NAGPA: variants seen among roughly 807,000 people sequenced by gnomAD.
NAGPA encodes the protein alpha-N-acetylglucosaminyl phosphodiesterase.
In NAGPA, 56 loss-of-function variants were observed where a neutral mutation model predicts 48.5. That is an observed-to-expected ratio of 1.15 (90% CI 0.93 to 1.44). The LOEUF is 1.44. NAGPA is among the 40% of genes most tolerant of loss of function. The pLI is 0.00. For missense variants in NAGPA, 888 were observed against 735.0 expected, an observed-to-expected ratio of 1.21 and a Z score of -2.41; for synonymous variants, 399 against 315.5, an observed-to-expected ratio of 1.26 and a Z score of -2.81.
In NAGPA at chr16:5,028,126, G is replaced by A. The variant is rs1413793446; in HGVS notation, c.980C>T (p.Pro327Leu). ...GTGGCAGTCAGGCGGCTGGCAGCGG[G>A]GTTCGTGCACACACACCACGGTGGA... ...QVSTVVCVHE[P>L]RCQPPDCHGH... Residue 327 changes from proline to leucine, a missense_variant, in exon 6 of 10, where the codon CCC becomes CTC. Coordinates refer to ENST00000312251, the MANE Select transcript of NAGPA (RefSeq NM_016256.4). The A allele has an allele frequency of 3.7e-6, 6 of 1,602,376 alleles. No individual in the cohort carries two copies. The highest frequency in any genetic ancestry group is 4.3e-6 in the Non-Finnish European group (5 of 1,174,632).
rs776758131 is a variant in NAGPA, at chr16:5,033,197, TG to T, written c.542+75del. 4 of 1,506,832 alleles carry T rather than the reference TG, an allele frequency of 2.7e-6. No individual in the cohort carries two copies. The highest frequency in any genetic ancestry group is 3.6e-6 in the Non-Finnish European group (4 of 1,120,998). The allele number at this position is 1,506,832 out of a possible 1,614,324, so 93.3% of individuals were successfully genotyped here. On this transcript the variant is annotated intron_variant, in intron 2 of 9. Transcript: ENST00000312251. The surrounding 1 kb of genome is among the most constrained non-coding windows in gnomAD (Gnocchi z 4.2). Reference sequence around the variant, plus strand: ...AGGGGCTCAGCTTGGTTAAGTGACTTGAACACGGAGGCACGGCTACAACCCA... The same window carrying T: ...AGGGGCTCAGCTTGGTTAAGTGACTTAACACGGAGGCACGGCTACAACCCA...
chr16:5,028,244 C>T (rs780846402), intron 5 of NAGPA, 59 bp from the exon 6 acceptor site: 21 of 1,548,318 alleles, frequency 1.4e-5, no homozygotes, highest in Non-Finnish European at 1.7e-5. Flanking sequence ...TCAACTCCCT[C>T]CAGGCTGCCC....
chr16:5,033,514 G>A lies in NAGPA; in HGVS notation c.301C>T (p.Leu101=), dbSNP rs1048874153. 3.3e-6 allele frequency: 5 copies of A among 1,527,524 alleles called. No homozygotes were observed. The highest frequency in any genetic ancestry group is 4.4e-6 in the Non-Finnish European group (5 of 1,146,756). The allele number at this position is 1,527,524 out of a possible 1,614,324, so 94.6% of individuals were successfully genotyped here. The part of the protein sequence containing the change: ...AGHLTRAVEP[L]RTFSVLEPGG... The stretch of plus-strand genomic sequence containing the variant: ...GGCTCCAGCACCGAGAAGGTGCGCA[G>A]GGGCTCAACGGCCCGCGTCAGGTGG... The change falls in exon 2 of 10, where the codon CTG becomes TTG. Residue 101 remains leucine, a synonymous_variant. Transcript: ENST00000312251. The surrounding 1 kb of genome is among the most constrained non-coding windows in gnomAD (Gnocchi z 4.2).
chr16:5,027,522 C>G, intron 7 of NAGPA, 143 bp from the exon 8 acceptor site: 1 of 870,852 alleles, frequency 1.1e-6, no homozygotes. Context: ...CCTGCCCTCC[C>G]TGGACTAGCC....
At chr16:5,027,451 G>A (rs12927924) in intron 7 of NAGPA, 72 bp from the exon 8 acceptor site, 189,077 of 1,476,728 alleles carry the variant, frequency 0.13, 13,117 homozygotes, top group Non-Finnish European at 0.14. Flanking sequence ...AGCCTTTCTC[G>A]ACAGGACAGG....
chr16:5,030,268 C>A (rs887416429), intron 4 of NAGPA, 117 bp downstream of exon 4: 7 of 923,222 alleles, frequency 7.6e-6, no homozygotes, highest in African/African-American at 4.9e-5. Context: ...GGAGGGGGGA[C>A]AGATAGGTGT....
At position 5,033,721 on chromosome 16, in the gene NAGPA, G is replaced by A. The variant is rs1956150167; in HGVS notation, c.94C>T (p.Arg32Cys). ...ASGGLDSGAS[R>C]DDDLLLPYPR... ...TAGGGCAGTAGCAAGTCGTCGTCGC[G>A]GGAGGCCCTGCGGGGACGGGCGGCC... Residue 32 changes from arginine (R) to cysteine (C), a missense_variant, in exon 2 of 10, where the codon CGC becomes TGC. Coordinates refer to ENST00000312251, the MANE Select transcript of NAGPA (RefSeq NM_016256.4). The surrounding 1 kb of genome is among the most constrained non-coding windows in gnomAD (Gnocchi z 4.2). 1 of 1,603,688 alleles carries A rather than the reference G, an allele frequency of 6.2e-7. No individual in the cohort carries two copies. Among genetic ancestry groups the A allele is most frequent in the Non-Finnish European group, 8.5e-7 (1 of 1,177,368 alleles).
intron 4 of NAGPA, 126 bp from the exon 5 acceptor site, chr16:5,029,134 C>A (rs1214304925): frequency 1.3e-6 from 2 of 1,492,824 alleles, no homozygotes; most frequent in Non-Finnish European, 1.8e-6. Flanking sequence ...GCCCCCGCCC[C>A]CAAGCATGTC....
intron 4 of NAGPA, chr16:5,029,909 G>A: frequency 4.1e-6 from 1 of 241,552 alleles, no homozygotes; most frequent in Middle Eastern, 1.6e-3. Context: ...GGGCGACGGA[G>A]TAAGACCCTG....
Position 5,033,329 on chromosome 16 carries a change from G to C in NAGPA, c.486C>G (p.Ser162=). 6.3e-7 allele frequency: 1 copy of C among 1,597,584 alleles called. No homozygotes were observed. The highest frequency in any genetic ancestry group is 8.5e-7 in the Non-Finnish European group (1 of 1,179,474). ...CGAACTGCGCGTTCTGCAGCCCCCC[G>C]GAGCTGCTCACCCGCCGCTCGTCGC... ...VVSDERRVSS[S]GGLQNAQFGI... is the part of the protein sequence containing the mutation. The change falls in exon 2 of 10, where the codon TCC becomes TCG. Residue 162 remains serine, a synonymous_variant. Transcript: ENST00000312251. This position sits in a 1 kb window ranked among gnomAD's most constrained non-coding sequence, Gnocchi z 4.2.
At chr16:5,029,498 G>A (rs756067064) in intron 4 of NAGPA, 6 of 227,620 alleles carry the variant, frequency 2.6e-5, no homozygotes, top group Non-Finnish European at 4.4e-5. Context: ...ACCTAAACAA[G>A]AGGATTCTTT....
intron 9 of NAGPA, 80 bp from the exon 10 acceptor site, chr16:5,025,765 T>G (rs1009544314): frequency 1.4e-6 from 2 of 1,408,168 alleles, no homozygotes; most frequent in African/African-American, 2.9e-5. Context: ...GGCTTCCCTC[T>G]ACCCGGCATA....
At chr16:5,025,772 C>A in intron 9 of NAGPA, 87 bp from the exon 10 acceptor site, 1 of 1,370,884 alleles carries the variant, frequency 7.3e-7, no homozygotes, top group Non-Finnish European at 1.0e-6. Context: ...CTCTACCCGG[C>A]ATAGATAGCA....
chr16:5,030,933 T>C, intron 3 of NAGPA: 1 of 146,558 alleles, frequency 6.8e-6, no homozygotes, highest in South Asian at 1.9e-4. Flanking sequence ...CCGCCCACTC[T>C]TTTTTTTTTT....
chr16:5,027,484 A>G, intron 7 of NAGPA, 105 bp from the exon 8 acceptor site: 1 of 1,241,962 alleles, frequency 8.1e-7, no homozygotes, highest in East Asian at 2.4e-5. Context: ...GCCCATGTGT[A>G]CAGAGCCGGG....
chr16:5,030,472 T>G lies in NAGPA; in HGVS notation c.704A>C (p.Asn235Thr). The G allele has an allele frequency of 6.4e-7, 1 of 1,553,856 alleles. No individual in the cohort carries two copies. Among genetic ancestry groups the G allele is most frequent in the East Asian group, 2.4e-5 (1 of 41,206 alleles). The change falls in exon 4 of 10, where the codon AAT (asparagine) becomes ACT (threonine). Residue 235 changes from asparagine (N) to threonine (T), a missense_variant. Asn to Thr is a moderately conservative substitution (Grantham distance 65). Transcript: ENST00000312251. ...QETGSFSKFV[N>T]VISARTAIGH... is the part of the protein sequence containing the mutation. ...AATGGCCGTCCTGGCTGATATCACA[T>G]TCACAAATTTGCTAAAGGAACCTGA...
At chr16:5,031,330 T>C (rs1956093177) in intron 3 of NAGPA, 2 of 280,566 alleles carry the variant, frequency 7.1e-6, no homozygotes, top group South Asian at 3.7e-5. Context: ...AGAGTCACCA[T>C]GGAGGCCCGT....
At chr16:5,032,890 TC>T in intron 2 of NAGPA, 1 of 294,054 alleles carries the variant, frequency 3.4e-6, no homozygotes, top group Non-Finnish European at 6.4e-6. Flanking sequence ...AGAGGCGTGT[TC>T]CAGATCACCC....
In NAGPA at chr16:5,033,817, A is replaced by G. The variant is rs2142572726; in HGVS notation, c.86+12T>C. On this transcript the variant is annotated intron_variant, in intron 1 of 9. Coordinates refer to ENST00000312251, the MANE Select transcript of NAGPA (RefSeq NM_016256.4). This position sits in a 1 kb window ranked among gnomAD's most constrained non-coding sequence, Gnocchi z 4.2. Reference sequence around the variant, plus strand: ...CCCCCCGAACCAGGCTGGCCCAGGGAGCTGCACTCACCCCGAGTCGAGGCC... The same window carrying G: ...CCCCCCGAACCAGGCTGGCCCAGGGGGCTGCACTCACCCCGAGTCGAGGCC... 6.4e-7 allele frequency: 1 copy of G among 1,555,214 alleles called. No homozygotes were observed. The highest frequency in any genetic ancestry group is 1.4e-5 in the African/African-American group (1 of 73,532).
Sources: gnomAD v4.1 joint callset for allele counts on GRCh38, gnomAD v4.1.1 for gene constraint, Gnocchi (gnomAD v3.1) non-coding constraint, MANE v1.5 for transcripts, NCBI Gene and HGNC (gene_info 2026-07-23, HGNC 2026-07-21) for gene names.